SEMA3E: variants seen among roughly 807,000 people sequenced by gnomAD.
SEMA3E encodes the protein semaphorin 3E.
SEMA3E carries 49 observed loss-of-function variants against 93.6 expected under a neutral mutation model. The ratio of observed to expected loss-of-function variants is 0.52; its 90% CI spans 0.42 to 0.66. The LOEUF is 0.66. Among genes scored for constraint, SEMA3E ranks in the 30% least tolerant of loss-of-function variants. SEMA3E has a pLI of 0.00. For synonymous variants in SEMA3E, 363 were observed against 330.7 expected, an observed-to-expected ratio of 1.10 and a Z score of -1.06; for missense variants, 906 against 964.8, an observed-to-expected ratio of 0.94 and a Z score of 0.81.
chr7:83,624,572 T>C (rs1207053671), intron 1 of SEMA3E, among the ~76,000 whole-genome samples: 1 of 152,048 alleles, frequency 6.6e-6, no homozygotes, highest in African/African-American at 2.4e-5. Flanking sequence ...ATGGGGTTGT[T>C]TTTTTATTTT....
chr7:83,635,382 A>G (rs1793861958), intron 1 of SEMA3E, among the ~76,000 whole-genome samples: 1 of 151,770 alleles, frequency 6.6e-6, no homozygotes, highest in South Asian at 2.1e-4. Context: ...TTTATAGATT[A>G]TCTTTAGTTT....
intron 1 of SEMA3E, among the ~76,000 whole-genome samples, chr7:83,619,396 A>T (rs371016476): frequency 3.9e-5 from 6 of 152,050 alleles, no homozygotes; most frequent in African/African-American, 1.2e-4. Context: ...AAAACAAAAA[A>T]CATCGTGTTG....
chr7:83,471,333 T>C (rs1455425094), intron 2 of SEMA3E, among the ~76,000 whole-genome samples: 1 of 140,208 alleles, frequency 7.1e-6, no homozygotes, highest in Non-Finnish European at 1.6e-5. Context: ...AAAAAAAAAG[T>C]GTTGAAATCT....
intron 1 of SEMA3E, among the ~76,000 whole-genome samples, chr7:83,537,417 C>T (rs1050880792): frequency 6.6e-6 from 1 of 152,116 alleles, no homozygotes; most frequent in Non-Finnish European, 1.5e-5. Flanking sequence ...CTTGGGAGCC[C>T]TTTGGTAATG....
chr7:83,430,107 G>T (rs373838312), intron 4 of SEMA3E, among the ~76,000 whole-genome samples: 1 of 152,118 alleles, frequency 6.6e-6, no homozygotes, highest in East Asian at 1.9e-4. Flanking sequence ...TATGATGCAT[G>T]CTAGTCTTTT....
chr7:83,627,947 G>T (rs114308134), intron 1 of SEMA3E, among the ~76,000 whole-genome samples: 3,845 of 152,144 alleles, frequency 0.025, 157 homozygotes, highest in African/African-American at 0.084. Context: ...TTTTGCAGTT[G>T]CTGGTAGTGG....
chr7:83,501,305 T>A (rs1358401133), intron 1 of SEMA3E, among the ~76,000 whole-genome samples: 2 of 152,254 alleles, frequency 1.3e-5, no homozygotes, highest in Non-Finnish European at 2.9e-5. Context: ...TACAAAAGTG[T>A]AATGTTATAA....
intron 4 of SEMA3E, among the ~76,000 whole-genome samples, chr7:83,454,696 A>G (rs1231933356): frequency 6.6e-6 from 1 of 152,210 alleles, no homozygotes; most frequent in African/African-American, 2.4e-5. Context: ...TGTAGCATGT[A>G]TGCTTTATTT....
At chr7:83,434,906 G>A (rs1191976725) in intron 4 of SEMA3E, among the ~76,000 whole-genome samples, 1 of 151,098 alleles carries the variant, frequency 6.6e-6, no homozygotes, top group Non-Finnish European at 1.5e-5. Context: ...GTAGAGACGG[G>A]GTTTCACCGT....
At chr7:83,418,906 T>C (rs907247166) in intron 4 of SEMA3E, among the ~76,000 whole-genome samples, 1 of 152,126 alleles carries the variant, frequency 6.6e-6, no homozygotes, top group Non-Finnish European at 1.5e-5. Flanking sequence ...ATTAGATTTT[T>C]ATTTTTGATA....
At chr7:83,585,991 A>G (rs1339104819) in intron 1 of SEMA3E, among the ~76,000 whole-genome samples, 4 of 152,168 alleles carry the variant, frequency 2.6e-5, no homozygotes, top group African/African-American at 9.7e-5. Context: ...ATAAATGGTA[A>G]CTTTGGGTAG....
chr7:83,486,294 A>G (rs1399904950), intron 2 of SEMA3E, among the ~76,000 whole-genome samples: 1 of 152,188 alleles, frequency 6.6e-6, no homozygotes, highest in Non-Finnish European at 1.5e-5. Context: ...TGTAGGTACA[A>G]GCCAGGAATG....
At chr7:83,383,431 G>A (rs1047259006) in intron 16 of SEMA3E, among the ~76,000 whole-genome samples, 4 of 151,818 alleles carry the variant, frequency 2.6e-5, no homozygotes, top group African/African-American at 7.3e-5. Context: ...TCTGCTTTGT[G>A]TATACATCAT....
chr7:83,603,740 A>G (rs986517458), intron 1 of SEMA3E, among the ~76,000 whole-genome samples: 1 of 152,176 alleles, frequency 6.6e-6, no homozygotes, highest in Non-Finnish European at 1.5e-5. Flanking sequence ...TCTAACCTTT[A>G]AGCCATATTG....
At chr7:83,402,290 G>C (rs1467199022) in intron 10 of SEMA3E, among the ~76,000 whole-genome samples, 1 of 151,958 alleles carries the variant, frequency 6.6e-6, no homozygotes, top group African/African-American at 2.4e-5. Context: ...CCTCTGAAGA[G>C]GCTGAGAGGA....
At chr7:83,578,814 A>C (rs1562841054) in intron 1 of SEMA3E, among the ~76,000 whole-genome samples, 1 of 152,156 alleles carries the variant, frequency 6.6e-6, no homozygotes, top group Non-Finnish European at 1.5e-5. Context: ...GATGACTTCA[A>C]AATAGAAATG....
chr7:83,514,176 G>C (rs1047379817), intron 1 of SEMA3E, among the ~76,000 whole-genome samples: 2 of 152,100 alleles, frequency 1.3e-5, no homozygotes, highest in African/African-American at 4.8e-5. Context: ...GTCTAAAAAG[G>C]GGGGTGGAGG....
At chr7:83,543,562 C>A (rs1294741605) in intron 1 of SEMA3E, among the ~76,000 whole-genome samples, 1 of 152,022 alleles carries the variant, frequency 6.6e-6, no homozygotes, top group Non-Finnish European at 1.5e-5. Context: ...GATTTAATAG[C>A]TTTAGAAATA....
intron 2 of SEMA3E, among the ~76,000 whole-genome samples, chr7:83,478,876 T>C (rs188007518): frequency 6.6e-5 from 10 of 152,338 alleles, no homozygotes; most frequent in African/African-American, 2.4e-4. Flanking sequence ...CTAATACAGA[T>C]GTACCTGGTT....
Sources: gnomAD v4.1 joint callset for allele counts (sites outside exome capture counted in the v4.1 genomes callset) on GRCh38, gnomAD v4.1.1 for gene constraint, MANE v1.5 for transcripts, NCBI Gene and HGNC (gene_info 2026-07-23, HGNC 2026-07-21) for gene names.